CHSY3: variants seen among roughly 807,000 people sequenced by gnomAD.
CHSY3 encodes chondroitin sulfate synthase 3, also known as N-acetylgalactosaminyl-proteoglycan 3-beta-glucuronosyltransferase 3.
CHSY3 carries 35 observed loss-of-function variants against 67.2 expected under a neutral mutation model. That is an observed-to-expected ratio of 0.52 (90% CI 0.40 to 0.69). CHSY3 has a LOEUF of 0.69. Among genes scored for constraint, CHSY3 ranks in the 30% least tolerant of loss-of-function variants. The pLI is 0.00. For synonymous variants in CHSY3, 474 were observed against 434.7 expected, an observed-to-expected ratio of 1.09 and a Z score of -1.12; for missense variants, 1,069 against 1,138.5, an observed-to-expected ratio of 0.94 and a Z score of 0.88.
At chr5:130,073,518 C>G (rs1433444805) in intron 2 of CHSY3, among the ~76,000 whole-genome samples, 1 of 151,764 alleles carries the variant, frequency 6.6e-6, no homozygotes, top group Non-Finnish European at 1.5e-5. Context: ...GAACACCCGC[C>G]CCAGCTGGAT....
At position 129,905,037 on chromosome 5, in the gene CHSY3, C is replaced by T. The variant is rs756599906; in HGVS notation, c.208C>T (p.Pro70Ser). 1.7e-5 allele frequency: 27 copies of T among 1,557,020 alleles called. No homozygotes were observed. Among genetic ancestry groups the T allele is most frequent in the Non-Finnish European group, 2.2e-5 (26 of 1,157,996 alleles). ...QQPLPQPQSR[P>S]RQEQSPPPAR... ...GCCGCTCCCCCAGCCCCAGTCCCGA[C>T]CACGGCAGGAGCAGTCGCCGCCCCC... The change falls in exon 1 of 3, where the codon CCA becomes TCA. Residue 70 changes from proline (P) to serine (S), a missense_variant. This residue lies in a region of CHSY3 where 309 missense variants were observed against 262.5 expected (regional missense o/e 1.18). Coordinates refer to ENST00000305031, the MANE Select transcript of CHSY3 (RefSeq NM_175856.5).
At position 130,184,541 on chromosome 5, in the gene CHSY3, G is replaced by C; in HGVS notation, c.1399G>C (p.Glu467Gln). ...GGAGAGAAATGAAGTGATAGAATGG[G>C]AGTTCCTGACAGGGAAGCTTCTATA... ...PRERNEVIEW[E>Q]FLTGKLLYSA... The change falls in exon 3 of 3, where the codon GAG (glutamate) becomes CAG (glutamine). Residue 467 changes from glutamate (E) to glutamine (Q), a missense_variant. This residue lies in a region of CHSY3 where 401 missense variants were observed against 395.2 expected (regional missense o/e 1.01). Coordinates refer to ENST00000305031, the MANE Select transcript of CHSY3 (RefSeq NM_175856.5). 3.1e-6 allele frequency: 5 copies of C among 1,610,470 alleles called. No individual in the cohort carries two copies. The highest frequency in any genetic ancestry group is 4.2e-6 in the Non-Finnish European group (5 of 1,176,662).
chr5:130,168,843 G>C (rs1769820135), intron 2 of CHSY3, among the ~76,000 whole-genome samples: 2 of 152,066 alleles, frequency 1.3e-5, no homozygotes, highest in African/African-American at 4.8e-5. Flanking sequence ...TTACACAGCT[G>C]TCTATGAATG....
intron 2 of CHSY3, among the ~76,000 whole-genome samples, chr5:130,137,484 A>G (rs1768703268): frequency 6.6e-6 from 1 of 152,186 alleles, no homozygotes; most frequent in Non-Finnish European, 1.5e-5. Flanking sequence ...TATATTGGTT[A>G]AAAGCTTAAA....
chr5:130,172,674 T>C (rs1354577647), intron 2 of CHSY3, among the ~76,000 whole-genome samples: 2 of 152,196 alleles, frequency 1.3e-5, no homozygotes, highest in Non-Finnish European at 2.9e-5. Flanking sequence ...GTATCAGCTA[T>C]ATTAATGTGC....
At chr5:130,044,788 G>A (rs903128031) in intron 2 of CHSY3, among the ~76,000 whole-genome samples, 5 of 152,040 alleles carry the variant, frequency 3.3e-5, no homozygotes, top group Non-Finnish European at 7.4e-5. Flanking sequence ...GCTTACTGGA[G>A]GCGACAAAGT....
At chr5:130,178,560 GT>G (rs963684506) in intron 2 of CHSY3, among the ~76,000 whole-genome samples, 5 of 151,830 alleles carry the variant, frequency 3.3e-5, no homozygotes, top group Non-Finnish European at 7.4e-5. Flanking sequence ...CCGTGGTCTG[GT>G]TTTATGTTCT....
chr5:130,086,886 A>G (rs1296602647), intron 2 of CHSY3, among the ~76,000 whole-genome samples: 2 of 152,114 alleles, frequency 1.3e-5, no homozygotes, highest in Non-Finnish European at 2.9e-5. Context: ...CATCATCCTG[A>G]TACCAAAGCC....
chr5:129,982,931 A>C (rs1763064063), intron 2 of CHSY3, among the ~76,000 whole-genome samples: 1 of 152,122 alleles, frequency 6.6e-6, no homozygotes, highest in African/African-American at 2.4e-5. Context: ...AGTACCTTGC[A>C]TACAGTAATT....
chr5:130,033,248 G>A, intron 2 of CHSY3, among the ~76,000 whole-genome samples: 1 of 152,162 alleles, frequency 6.6e-6, no homozygotes, highest in East Asian at 1.9e-4. Flanking sequence ...ATTAGTTACA[G>A]TCTAGTGTAA....
chr5:129,990,514 TG>T (rs1409414131), intron 2 of CHSY3, among the ~76,000 whole-genome samples: 1 of 152,158 alleles, frequency 6.6e-6, no homozygotes, highest in African/African-American at 2.4e-5. Context: ...TAAAGCAATG[TG>T]TATTTGTGAA....
At chr5:130,102,465 G>C (rs924437412) in intron 2 of CHSY3, among the ~76,000 whole-genome samples, 1 of 150,962 alleles carries the variant, frequency 6.6e-6, no homozygotes, top group African/African-American at 2.4e-5. Context: ...GAAAGATCTT[G>C]TTTTTTAACT....
intron 2 of CHSY3, among the ~76,000 whole-genome samples, chr5:129,994,461 T>C (rs1763468040): frequency 6.6e-6 from 1 of 152,150 alleles, no homozygotes; most frequent in African/African-American, 2.4e-5. Context: ...TTTCATTCAT[T>C]TGATCTTCCA....
At chr5:130,104,348 G>A (rs761216292) in intron 2 of CHSY3, among the ~76,000 whole-genome samples, 7 of 151,782 alleles carry the variant, frequency 4.6e-5, no homozygotes, top group East Asian at 3.9e-4. Context: ...TACTTTACAC[G>A]TGGTTTCAGG....
intron 2 of CHSY3, among the ~76,000 whole-genome samples, chr5:130,085,774 G>A (rs1580718500): frequency 6.6e-6 from 1 of 152,102 alleles, no homozygotes; most frequent in Admixed American, 6.6e-5. Flanking sequence ...TCTACACACT[G>A]CTTTGAATGT....
At chr5:130,143,768 G>GTATA (rs1299433610) in intron 2 of CHSY3, among the ~76,000 whole-genome samples, 33 of 64,966 alleles carry the variant, frequency 5.1e-4, no homozygotes, top group African/African-American at 1.9e-3. Flanking sequence ...GTGTGTGTGT[G>GTATA]TATATATATA....
At chr5:129,958,795 G>C (rs1001777756) in intron 2 of CHSY3, among the ~76,000 whole-genome samples, 1 of 152,166 alleles carries the variant, frequency 6.6e-6, no homozygotes, top group African/African-American at 2.4e-5. Context: ...GCTACCCAAA[G>C]TGCTGGGATT....
chr5:130,000,716 A>T (rs1310892910), intron 2 of CHSY3, among the ~76,000 whole-genome samples: 1 of 138,106 alleles, frequency 7.2e-6, no homozygotes, highest in Non-Finnish European at 1.5e-5. Flanking sequence ...GGGACTACAA[A>T]TGTGTAACTT....
chr5:130,042,139 G>T (rs1306702416), intron 2 of CHSY3, among the ~76,000 whole-genome samples: 1 of 152,118 alleles, frequency 6.6e-6, no homozygotes, highest in African/African-American at 2.4e-5. Flanking sequence ...GGGAGGCTGA[G>T]TTGGGAGGAT....
Sources: gnomAD v4.1 joint callset for allele counts (sites outside exome capture counted in the v4.1 genomes callset) on GRCh38, gnomAD v4.1.1 for gene constraint, gnomAD v4.1.1 regional missense constraint, MANE v1.5 for transcripts, NCBI Gene and HGNC (gene_info 2026-07-23, HGNC 2026-07-21) for gene names.